OPRM1: variants seen among roughly 807,000 people sequenced by gnomAD.
OPRM1 encodes opioid receptor mu 1.
In OPRM1, 27 loss-of-function variants were observed where a neutral mutation model predicts 31.8. The observed-to-expected ratio is 0.85, with a 90% confidence interval of 0.63 to 1.17. The LOEUF is 1.17. Among genes scored for constraint, OPRM1 ranks in the 50% most tolerant of loss-of-function variants. The probability of loss-of-function intolerance (pLI) is 0.00; values close to 1 mark genes in which losing one functional copy is unlikely to be tolerated. For synonymous variants in OPRM1, 196 were observed against 189.9 expected (o/e 1.03, Z -0.26); for missense variants, 536 against 511.1 (o/e 1.05, Z -0.47).
At chr6:154,231,779 GT>G (rs1228529338) in intron 3 of OPRM1, among the ~76,000 whole-genome samples, 2 of 152,190 alleles carry the variant, frequency 1.3e-5, no homozygotes, top group African/African-American at 4.8e-5. Flanking sequence ...GACTGACTTG[GT>G]TGTAACTTGT....
chr6:154,235,812 A>C (rs1241087586), intron 3 of OPRM1, among the ~76,000 whole-genome samples: 3 of 152,208 alleles, frequency 2.0e-5, no homozygotes, highest in Non-Finnish European at 4.4e-5. Flanking sequence ...GTCACTAGTC[A>C]TTAGGAAAAG....
At chr6:154,229,304 T>G (rs1409791354) in intron 3 of OPRM1, among the ~76,000 whole-genome samples, 2 of 151,882 alleles carry the variant, frequency 1.3e-5, no homozygotes, top group Non-Finnish European at 2.9e-5. Context: ...GACAATAAAG[T>G]GTTAAAATGA....
Position 154,015,296 on chromosome 6 carries a change from A to G in OPRM1, c.-1+4278A>G, listed in dbSNP as rs182080045. Among the ~76,000 whole-genome samples the G allele has an allele frequency of 1.1e-3, 169 of 152,214 alleles. 2 individuals carry two copies. The highest frequency in any genetic ancestry group is 0.011 in the South Asian group (53 of 4,832). ...TGTAGAATGTGTTATGTAAAAAGAC[A>G]GAGAGACTAATGGCACAAAATTTAA... On this transcript the variant is annotated intron_variant, in intron 1 of 5. Coordinates refer to the OPRM1 transcript ENST00000434900.
At chr6:154,213,071 C>T in intron 3 of OPRM1, 2 of 518,072 alleles carry the variant, frequency 3.9e-6, no homozygotes, top group East Asian at 6.0e-5. Context: ...AAAGAGCATC[C>T]AATATGCAGG....
At chr6:154,151,917 T>C (rs1798508598) in intron 3 of OPRM1, among the ~76,000 whole-genome samples, 1 of 152,002 alleles carries the variant, frequency 6.6e-6, no homozygotes, top group Non-Finnish European at 1.5e-5. Context: ...CTCAAGCCTG[T>C]AAGTCCCAGC....
At chr6:154,196,754 G>C (rs956931884) in intron 3 of OPRM1, among the ~76,000 whole-genome samples, 9 of 152,164 alleles carry the variant, frequency 5.9e-5, no homozygotes, top group African/African-American at 2.2e-4. Flanking sequence ...ATTATGCTTT[G>C]TGAAAATAAT....
intron 3 of OPRM1, among the ~76,000 whole-genome samples, chr6:154,150,240 C>T (rs1013263937): frequency 6.6e-6 from 1 of 152,230 alleles, no homozygotes; most frequent in Non-Finnish European, 1.5e-5. Context: ...ATTCCTGTGG[C>T]AGACAACAGG....
At chr6:154,081,410 G>A (rs965001361) in intron 1 of OPRM1, among the ~76,000 whole-genome samples, 21 of 152,202 alleles carry the variant, frequency 1.4e-4, no homozygotes, top group Non-Finnish European at 2.9e-4. Flanking sequence ...GGAGGCTGAG[G>A]CAGGAGAATG....
intron 1 of OPRM1, among the ~76,000 whole-genome samples, chr6:154,064,915 G>A (rs549961098): frequency 5.3e-5 from 8 of 152,198 alleles, no homozygotes; most frequent in African/African-American, 1.7e-4. Context: ...TTTGAATTCA[G>A]GAAGTGTGAG....
rs61209522 is a variant in OPRM1 at position 154,019,747 on chromosome 6, C to CTTTTCTTTTTTTTTT, written c.-1+8733_-1+8734insCTTTTTTTTTTTTTT. Among the ~76,000 whole-genome samples the CTTTTCTTTTTTTTTT allele has an allele frequency of 2.3e-4, 28 of 121,992 alleles. 1 individual carries two copies. The highest frequency in any genetic ancestry group is 6.5e-4 in the African/African-American group (19 of 29,362). The allele number at this position is 121,992 out of a possible 152,430, so 80.0% of individuals were successfully genotyped here. A position where few individuals can be genotyped will look rare whatever the true frequency, so the allele number is the denominator to read the frequency against. ...TAGTGGCTTTCTTTTCTTTTCTTTT[C>CTTTTCTTTTTTTTTT]TTTTTTTTTTTTTTTTTTGAGACAG... On this transcript the variant is annotated intron_variant, in intron 1 of 5. Coordinates refer to the OPRM1 transcript ENST00000434900.
intron 3 of OPRM1, among the ~76,000 whole-genome samples, chr6:154,141,646 T>G (rs987282727): frequency 6.6e-6 from 1 of 152,172 alleles, no homozygotes; most frequent in African/African-American, 2.4e-5. Context: ...AATCAACATA[T>G]GTAAGATGAA....
intron 3 of OPRM1, among the ~76,000 whole-genome samples, chr6:154,171,866 A>T: frequency 6.6e-6 from 1 of 152,216 alleles, no homozygotes. Flanking sequence ...TTTTTAAAAA[A>T]ATACAGCTAA....
At position 154,152,170 on chromosome 6, in the gene OPRM1, C is replaced by CAAA. The variant is rs11404098; in HGVS notation, c.1164+60708_1164+60710dup. On this transcript the variant is annotated intron_variant, in intron 3 of 3. Transcript: ENST00000337049. Reference sequence around the variant, plus strand: ...CCAGCCAACAGTGAGACTTTGAAAACAAAAAAAAAAAAGAAAGAGAGAGAG... The same window carrying CAAA: ...CCAGCCAACAGTGAGACTTTGAAAACAAAAAAAAAAAAAAAGAAAGAGAGAGAG... 5.6e-5 allele frequency among the ~76,000 whole-genome samples: 6 copies of CAAA among 107,024 alleles called. 1 individual carries two copies. Among genetic ancestry groups the CAAA allele is most frequent in the African/African-American group, 1.9e-4 (6 of 31,078 alleles). The allele number at this position is 107,024 out of a possible 152,430, so 70.2% of individuals were successfully genotyped here. A position where few individuals can be genotyped will look rare whatever the true frequency, so the allele number is the denominator to read the frequency against.
At chr6:154,226,785 A>C (rs1285223893) in intron 3 of OPRM1, among the ~76,000 whole-genome samples, 2 of 152,142 alleles carry the variant, frequency 1.3e-5, no homozygotes, top group Non-Finnish European at 2.9e-5. Flanking sequence ...TCAAGTCTAA[A>C]TGCCTCAGCA....
intron 3 of OPRM1, among the ~76,000 whole-genome samples, chr6:154,100,026 T>TA (rs1435605811): frequency 5.8e-4 from 57 of 99,098 alleles, no homozygotes; most frequent in Non-Finnish European, 9.8e-4. Flanking sequence ...TCATAACATA[T>TA]TATATATTAT....
At chr6:154,243,015 A>G (rs1238753817) in intron 3 of OPRM1, among the ~76,000 whole-genome samples, 3 of 152,298 alleles carry the variant, frequency 2.0e-5, no homozygotes, top group South Asian at 4.1e-4. Context: ...ATAAGGAGGG[A>G]TAAGTTTGAT....
intron 1 of OPRM1, among the ~76,000 whole-genome samples, chr6:154,057,141 T>C (rs541352265): frequency 1.3e-5 from 2 of 152,352 alleles, no homozygotes; most frequent in South Asian, 2.1e-4. Context: ...ATTGAGCAGT[T>C]TGAGTCTCAT....
At chr6:154,020,241 C>T (rs9478498) in intron 1 of OPRM1, among the ~76,000 whole-genome samples, 47,543 of 152,002 alleles carry the variant, frequency 0.31, 8,282 homozygotes, top group African/African-American at 0.47. Context: ...TATGGGATTG[C>T]ATGGTAAAAA....
intron 3 of OPRM1, among the ~76,000 whole-genome samples, chr6:154,180,414 A>ATTTTTTTTT (rs761333730): frequency 2.0e-4 from 13 of 65,254 alleles, no homozygotes; most frequent in African/African-American, 4.3e-4. Flanking sequence ...ATATATATAT[A>ATTTTTTTTT]TTTTTTTTTT....
Sources: allele counts gnomAD v4.1 joint callset (sites outside exome capture counted in the v4.1 genomes callset), GRCh38; gene constraint gnomAD v4.1.1; transcripts MANE v1.5; gene names NCBI Gene and HGNC (gene_info 2026-07-23, HGNC 2026-07-21).